SP140: variants seen among roughly 807,000 people sequenced by gnomAD.
SP140 encodes the protein SP140 nuclear body protein.
In SP140, 81 loss-of-function variants were observed where a neutral mutation model predicts 125.0. That is an observed-to-expected ratio of 0.65 (90% CI 0.54 to 0.78). The LOEUF is 0.78. SP140 is among the 30% of genes least tolerant of loss of function. The probability of loss-of-function intolerance (pLI) is 0.00; values close to 1 mark genes in which losing one functional copy is unlikely to be tolerated. For synonymous variants in SP140, 312 were observed against 354.0 expected, an observed-to-expected ratio of 0.88 and a Z score of 1.33; for missense variants, 858 against 1,037.0, an observed-to-expected ratio of 0.83 and a Z score of 2.37.
At chr2:230,197,140 C>CTAGTGTA in the SP140 span, among the ~76,000 whole-genome samples, 1 of 152,176 alleles carries the variant, frequency 6.6e-6, no homozygotes, top group Non-Finnish European at 1.5e-5. Flanking sequence ...AATGGTTGAA[C>CTAGTGTA]TAGTGTACAG....
chr2:230,197,495 CCTGTTCACT>C, the SP140 span, among the ~76,000 whole-genome samples: 1 of 147,468 alleles, frequency 6.8e-6, no homozygotes, highest in Non-Finnish European at 1.5e-5. Flanking sequence ...TTGTAGGTTG[CCTGTTCACT>C]CTGATGGTAG....
intron 15 of SP140, among the ~76,000 whole-genome samples, chr2:230,282,122 T>A (rs2055658663): frequency 6.6e-6 from 1 of 152,156 alleles, no homozygotes; most frequent in Admixed American, 6.6e-5. Context: ...ACATTATCTT[T>A]TTAGCTGGAA....
intron 19 of SP140, 104 bp from the exon 20 acceptor site, chr2:230,292,542 T>G: frequency 2.1e-6 from 3 of 1,452,820 alleles, no homozygotes; most frequent in Non-Finnish European, 2.9e-6. Context: ...CTGCTATTGA[T>G]CTGCATCACA....
At position 230,253,355 on chromosome 2, in the gene SP140, C is replaced by G; in HGVS notation, c.1097C>G (p.Pro366Arg). The change falls in exon 11 of 27, where the codon CCC (proline) becomes CGC (arginine). Residue 366 changes from proline to arginine, a missense_variant. Physicochemically the swap from Pro to Arg is moderately radical, Grantham distance 103. Transcript: ENST00000392045. ...GCAGAGACCTTTGATCTAAAGACTC[C>G]CCAAGTCACTAATGAAGGAGAACCA... ...LSAETFDLKT[P>R]QVTNEGEPEK... 1.9e-6 allele frequency: 3 copies of G among 1,612,484 alleles called. No individual in the cohort carries two copies. In the South Asian group the frequency reaches 3.3e-5, roughly 18 times the overall value.
At chr2:230,264,499 G>T (rs1282222425) in intron 12 of SP140, among the ~76,000 whole-genome samples, 1 of 152,036 alleles carries the variant, frequency 6.6e-6, no homozygotes, top group African/African-American at 2.4e-5. Context: ...TCTTGGTTCG[G>T]ATCCATTGCT....
intron 20 of SP140, among the ~76,000 whole-genome samples, chr2:230,293,754 C>T (rs999524062): frequency 2.0e-5 from 3 of 152,178 alleles, no homozygotes; most frequent in Non-Finnish European, 4.4e-5. Flanking sequence ...CTGTCATGGG[C>T]CATTGACCAG....
At chr2:230,240,728 G>A (rs550704127) in intron 3 of SP140, among the ~76,000 whole-genome samples, 5 of 152,238 alleles carry the variant, frequency 3.3e-5, no homozygotes, top group African/African-American at 4.8e-5. Flanking sequence ...AAATGATAAC[G>A]ACCACTTTGG....
At chr2:230,308,936 T>TCA (rs1300663496) in intron 22 of SP140, among the ~76,000 whole-genome samples, 1 of 152,226 alleles carries the variant, frequency 6.6e-6, no homozygotes, top group Non-Finnish European at 1.5e-5. Context: ...TGGTTCTTTG[T>TCA]TGTAAATACA....
chr2:230,212,309 A>T, intron 1 of SP140: 1 of 1,467,106 alleles, frequency 6.8e-7, no homozygotes, highest in African/African-American at 1.4e-5. Context: ...CTTCACAGTC[A>T]CCTTGAGCTA....
intron 17 of SP140, 112 bp downstream of exon 17, chr2:230,285,944 T>C (rs568899387): frequency 3.8e-6 from 3 of 785,964 alleles, no homozygotes; most frequent in South Asian, 1.7e-5. Context: ...GCTTAGTCAA[T>C]TGGAGAGCAG....
intron 10 of SP140, 70 bp from the exon 11 acceptor site, chr2:230,253,246 G>A: frequency 3.6e-6 from 4 of 1,122,952 alleles, no homozygotes; most frequent in Non-Finnish European, 5.4e-6. Flanking sequence ...GTGGCTCTTA[G>A]CATTTTCCCA....
At chr2:230,228,040 T>C (rs181537137) in intron 1 of SP140, among the ~76,000 whole-genome samples, 1 of 152,316 alleles carries the variant, frequency 6.6e-6, no homozygotes, top group Non-Finnish European at 1.5e-5. Context: ...ATTGTATGCA[T>C]TTAATACTAT....
chr2:230,283,784 G>A (rs1164555230), intron 15 of SP140, among the ~76,000 whole-genome samples: 1 of 152,186 alleles, frequency 6.6e-6, no homozygotes, highest in Non-Finnish European at 1.5e-5. Context: ...GAGTTTCTGG[G>A]GTCACCATAG....
chr2:230,223,086 G>A (rs775301535), upstream of SP140, among the ~76,000 whole-genome samples: 14 of 149,860 alleles, frequency 9.3e-5, no homozygotes, highest in Admixed American at 7.4e-4. Flanking sequence ...CTCCAGGCTA[G>A]AGTGCTGTGG....
intron 2 of SP140, 91 bp from the exon 3 acceptor site, chr2:230,238,122 C>A: frequency 1.1e-6 from 1 of 872,866 alleles, no homozygotes; most frequent in Non-Finnish European, 1.8e-6. Flanking sequence ...TCTAACATTT[C>A]ACAAGAGAAC....
At position 230,206,402 on chromosome 2, in the gene SP140, G is replaced by T. The variant is rs185798351; in HGVS notation, c.-323+3123G>T. Among the ~76,000 whole-genome samples, 498 of 151,424 alleles carry T rather than the reference G, an allele frequency of 3.3e-3. 3 individuals are homozygous for T. Among genetic ancestry groups the T allele is most frequent in the African/African-American group, 0.012 (476 of 41,276 alleles). ...GCTTGCTAACATGTTCTTTCTTGGT[G>T]CTCCTCTGTCTTCACTGGTCTCGTT... On this transcript the variant is annotated intron_variant, in intron 1 of 4. Transcript: ENST00000456542.
At chr2:230,303,224 A>C (rs2058462076) in intron 22 of SP140, among the ~76,000 whole-genome samples, 1 of 152,226 alleles carries the variant, frequency 6.6e-6, no homozygotes, top group African/African-American at 2.4e-5. Context: ...AAAATGGGAG[A>C]TATTACAACC....
upstream of SP140, among the ~76,000 whole-genome samples, chr2:230,200,243 T>C (rs200170474): frequency 1.3e-5 from 2 of 152,208 alleles, no homozygotes; most frequent in East Asian, 3.8e-4. Context: ...ACAATGACCA[T>C]ATCACCAGCA....
chr2:230,225,844 C>G lies in SP140; in HGVS notation c.-1C>G, dbSNP rs754365543. Reference sequence around the variant, plus strand: ...ATCGGGTGTGATCCTAGGCCAAGCTCATGGCCCAGCAGGGCCAGCAGGGGC... The same window carrying G: ...ATCGGGTGTGATCCTAGGCCAAGCTGATGGCCCAGCAGGGCCAGCAGGGGC... On this transcript the variant is annotated 5_prime_UTR_variant, in exon 1 of 27. Transcript: ENST00000392045. The G allele has an allele frequency of 1.9e-6, 3 of 1,613,492 alleles. No individual in the cohort carries two copies. The highest frequency in any genetic ancestry group is 3.3e-5 in the Admixed American group (2 of 60,000).
Sources: allele counts gnomAD v4.1 joint callset (sites outside exome capture counted in the v4.1 genomes callset), GRCh38; gene constraint gnomAD v4.1.1; transcripts MANE v1.5; gene names NCBI Gene and HGNC (gene_info 2026-07-23, HGNC 2026-07-21).